SBF2: variants seen among roughly 807,000 people sequenced by gnomAD.
SBF2 encodes the protein myotubularin-related protein 13.
A neutral mutation model predicts 225.2 loss-of-function variants in SBF2; 112 were observed. The ratio of observed to expected loss-of-function variants is 0.50; its 90% CI spans 0.43 to 0.58. SBF2 has a LOEUF of 0.58. SBF2 is among the 20% of genes least tolerant of loss of function. The probability of loss-of-function intolerance (pLI) is 0.00; values close to 1 mark genes in which losing one functional copy is unlikely to be tolerated. For synonymous variants in SBF2, 763 were observed against 773.3 expected (o/e 0.99, Z 0.22); for missense variants, 1,996 against 2,206.2 (o/e 0.90, Z 1.91).
At chr11:10,293,810 T>C (rs1243721350) in intron 1 of SBF2, among the ~76,000 whole-genome samples, 1 of 151,506 alleles carries the variant, frequency 6.6e-6, no homozygotes, top group Non-Finnish European at 1.5e-5. Flanking sequence ...CGCGGCGTCT[T>C]CCCTCCCCCT....
At chr11:9,906,249 T>C (rs1411392010) in intron 16 of SBF2, among the ~76,000 whole-genome samples, 1 of 152,138 alleles carries the variant, frequency 6.6e-6, no homozygotes, top group Non-Finnish European at 1.5e-5. Context: ...CCCAAGGAAA[T>C]GGTTGGGATG....
At chr11:10,009,038 G>A (rs1440863104) in intron 6 of SBF2, among the ~76,000 whole-genome samples, 1 of 152,162 alleles carries the variant, frequency 6.6e-6, no homozygotes. Context: ...TTGCTAGAAT[G>A]TCCCATAGCC....
At chr11:9,894,550 G>A (rs1162704958) in intron 17 of SBF2, among the ~76,000 whole-genome samples, 1 of 151,854 alleles carries the variant, frequency 6.6e-6, no homozygotes, top group African/African-American at 2.4e-5. Flanking sequence ...TGGGTGTGGT[G>A]GTGTGTGCCT....
At chr11:10,075,497 G>A (rs1358955969) in intron 2 of SBF2, among the ~76,000 whole-genome samples, 2 of 152,194 alleles carry the variant, frequency 1.3e-5, no homozygotes, top group Non-Finnish European at 2.9e-5. Flanking sequence ...TGAAGGTGGG[G>A]CCTGGTGAAA....
chr11:9,922,844 C>A (rs976498535), intron 16 of SBF2, among the ~76,000 whole-genome samples: 10 of 152,282 alleles, frequency 6.6e-5, no homozygotes, highest in Non-Finnish European at 1.5e-4. Context: ...ATACTCCCTA[C>A]AGAGCAAGTT....
intron 16 of SBF2, among the ~76,000 whole-genome samples, chr11:9,926,222 G>T (rs1281966673): frequency 1.3e-5 from 2 of 151,980 alleles, no homozygotes; most frequent in Admixed American, 6.6e-5. Flanking sequence ...AAAATATTTC[G>T]GGTAGACTGT....
intron 2 of SBF2, among the ~76,000 whole-genome samples, chr11:10,152,564 G>A (rs568814333): frequency 1.3e-4 from 20 of 151,390 alleles, no homozygotes; most frequent in African/African-American, 4.8e-4. Context: ...AAAAAAAGAA[G>A]AAGAAAAGAA....
At chr11:9,953,908 T>G (rs955709137) in intron 16 of SBF2, among the ~76,000 whole-genome samples, 1 of 152,114 alleles carries the variant, frequency 6.6e-6, no homozygotes, top group Non-Finnish European at 1.5e-5. Flanking sequence ...CTTCACTGGG[T>G]TTTAAAATTA....
rs1362274552 is a variant in SBF2 at position 9,992,599 on chromosome 11, T to A, written c.1168-56A>T. Reference sequence around the variant, plus strand: ...TTATCACTTGGTAACGGACAAATGGTCAAAACAGAAATACAATAAAAAGAT... The same window carrying A: ...TTATCACTTGGTAACGGACAAATGGACAAAACAGAAATACAATAAAAAGAT... On this transcript the variant is annotated intron_variant, in intron 11 of 39. Transcript: ENST00000256190. 6.1e-5 allele frequency: 94 copies of A among 1,535,748 alleles called. No homozygotes were observed. Among genetic ancestry groups the A allele is most frequent in the Non-Finnish European group, 7.7e-5 (87 of 1,124,484 alleles).
At chr11:10,035,114 G>A (rs554421890) in intron 3 of SBF2, among the ~76,000 whole-genome samples, 43 of 152,142 alleles carry the variant, frequency 2.8e-4, no homozygotes, top group South Asian at 1.5e-3. Flanking sequence ...AGAGGCACCC[G>A]CCACCACGCC....
At chr11:9,936,558 G>A (rs991819328) in intron 16 of SBF2, among the ~76,000 whole-genome samples, 1 of 152,164 alleles carries the variant, frequency 6.6e-6, no homozygotes, top group African/African-American at 2.4e-5. Context: ...CAACCCAAAT[G>A]TCCATCAATG....
intron 2 of SBF2, among the ~76,000 whole-genome samples, chr11:10,123,978 G>A (rs772814087): frequency 6.6e-5 from 10 of 152,164 alleles, no homozygotes; most frequent in Admixed American, 2.6e-4. Flanking sequence ...CTATTAAAGT[G>A]TGAATATGAA....
chr11:10,220,323 C>T (rs375189542), intron 1 of SBF2, among the ~76,000 whole-genome samples: 1 of 152,096 alleles, frequency 6.6e-6, no homozygotes, highest in Non-Finnish European at 1.5e-5. Flanking sequence ...TATCTCCCAC[C>T]GGGACCCTCT....
intron 17 of SBF2, among the ~76,000 whole-genome samples, chr11:9,859,891 T>C (rs149646701): frequency 4.7e-4 from 71 of 152,358 alleles, no homozygotes; most frequent in Admixed American, 1.2e-3. Flanking sequence ...AAGATAGGAC[T>C]GTGTTACTGC....
chr11:10,154,598 CCT>C (rs1400373795), intron 2 of SBF2, among the ~76,000 whole-genome samples: 1 of 152,222 alleles, frequency 6.6e-6, no homozygotes, highest in East Asian at 1.9e-4. Context: ...AGCTAAATCC[CCT>C]GTGAGTCTGT....
chr11:9,949,941 C>T (rs1811188478), intron 16 of SBF2, among the ~76,000 whole-genome samples: 1 of 152,088 alleles, frequency 6.6e-6, no homozygotes, highest in Admixed American at 6.5e-5. Flanking sequence ...ACAATGTATA[C>T]ATACTTCAAA....
chr11:9,915,079 G>C (rs1254266523), intron 16 of SBF2, among the ~76,000 whole-genome samples: 1 of 152,176 alleles, frequency 6.6e-6, no homozygotes, highest in Non-Finnish European at 1.5e-5. Context: ...AACTTGTGAA[G>C]ATGGAGATGA....
intron 1 of SBF2, among the ~76,000 whole-genome samples, chr11:10,226,076 T>C (rs1958524772): frequency 6.6e-6 from 1 of 152,158 alleles, no homozygotes; most frequent in East Asian, 1.9e-4. Flanking sequence ...TATGTGTCAT[T>C]TGGATATTTA....
intron 13 of SBF2, among the ~76,000 whole-genome samples, chr11:9,978,612 TC>T (rs1357119633): frequency 6.6e-6 from 1 of 152,158 alleles, no homozygotes; most frequent in Non-Finnish European, 1.5e-5. Context: ...ATAGGGATTG[TC>T]CATGTTTTTG....
Sources: gnomAD v4.1 joint callset for allele counts (sites outside exome capture counted in the v4.1 genomes callset) on GRCh38, gnomAD v4.1.1 for gene constraint, MANE v1.5 for transcripts, NCBI Gene and HGNC (gene_info 2026-07-23, HGNC 2026-07-21) for gene names.